The following DYRK1A variants were observed in gnomAD, a reference collection of about 807,000 sequenced individuals.
DYRK1A encodes the protein dual specificity tyrosine-phosphorylation-regulated kinase 1A.
Under a neutral mutation model 79.7 loss-of-function variants are expected in DYRK1A, and 9 were observed. The ratio of observed to expected loss-of-function variants is 0.11; its 90% CI spans 0.07 to 0.20. DYRK1A has a LOEUF of 0.20. Among genes scored for constraint, DYRK1A ranks in the 10% least tolerant of loss-of-function variants. The pLI is 1.00. For synonymous variants in DYRK1A, 349 were observed against 329.7 expected (o/e 1.06, Z -0.63); for missense variants, 622 against 956.0 (o/e 0.65, Z 4.61).
chr21:37,476,091 A>G (rs1309236200), intron 3 of DYRK1A, among the ~76,000 whole-genome samples: 1 of 152,180 alleles, frequency 6.6e-6, no homozygotes, highest in Non-Finnish European at 1.5e-5. Flanking sequence ...GTCCTCGTTA[A>G]GAGCCTGGGG....
chr21:37,418,488 CT>C (rs2050401890), intron 1 of DYRK1A, among the ~76,000 whole-genome samples: 2 of 152,134 alleles, frequency 1.3e-5, no homozygotes, highest in Admixed American at 1.3e-4. Context: ...ATATCTACTT[CT>C]ATCGAAACTG....
rs746702578 is a variant in DYRK1A, at chr21:37,512,051, C to G, written c.1785C>G (p.Asn595Lys). Residue 595 changes from asparagine (N) to lysine (K), a missense_variant, in exon 12 of 12, where the codon AAC (asparagine) becomes AAG (lysine). By Grantham distance (94) the Asn-to-Lys change is moderately conservative. Transcript: ENST00000647188. Reference sequence around the variant, plus strand: ...ATGCATTGCATCATCACCATGGTAACAGTTCCCATCACCATCACCACCACC... The same window carrying G: ...ATGCATTGCATCATCACCATGGTAAGAGTTCCCATCACCATCACCACCACC... ...QQNALHHHHG[N>K]SSHHHHHHHH... 5.0e-6 allele frequency: 8 copies of G among 1,614,092 alleles called. No homozygotes were observed. Among genetic ancestry groups the G allele is most frequent in the Non-Finnish European group, 5.9e-6 (7 of 1,180,010 alleles).
At chr21:37,412,476 A>G (rs1292318076) in intron 1 of DYRK1A, among the ~76,000 whole-genome samples, 2 of 152,216 alleles carry the variant, frequency 1.3e-5, no homozygotes, top group East Asian at 1.9e-4. Context: ...GTCCTTGTCC[A>G]GGCTTCCTGA....
At chr21:37,406,252 A>G (rs1428689932) in intron 1 of DYRK1A, among the ~76,000 whole-genome samples, 3 of 152,128 alleles carry the variant, frequency 2.0e-5, no homozygotes, top group African/African-American at 7.2e-5. Context: ...TTACTGGTTA[A>G]TTTTTAGTTA....
At chr21:37,382,961 A>G (rs939676095) in intron 1 of DYRK1A, among the ~76,000 whole-genome samples, 1 of 152,192 alleles carries the variant, frequency 6.6e-6, no homozygotes, top group African/African-American at 2.4e-5. Context: ...TTGGATTATA[A>G]ACAAGATAAT....
rs117133523 is a variant in DYRK1A at position 37,464,122 on chromosome 21, C to A, written c.11-8562C>A. 5.6e-4 allele frequency among the ~76,000 whole-genome samples: 85 copies of A among 152,202 alleles called. No homozygotes were observed. In the East Asian group the frequency reaches 0.015, roughly 27 times the overall value. ...GTATCAGAGATGATGGCTTCTGATA[C>A]TTGTTATTTTTACTTTTTTGTTTTT... On this transcript the variant is annotated intron_variant, in intron 2 of 11. Transcript: ENST00000647188.
At chr21:37,437,798 A>G (rs1353465542) in intron 2 of DYRK1A, among the ~76,000 whole-genome samples, 1 of 152,206 alleles carries the variant, frequency 6.6e-6, no homozygotes, top group Non-Finnish European at 1.5e-5. Context: ...TATTACAAAT[A>G]AAGATGCTAT....
chr21:37,490,128 A>T, intron 6 of DYRK1A, 47 bp from the exon 7 acceptor site: 1 of 1,535,274 alleles, frequency 6.5e-7, no homozygotes, highest in Non-Finnish European at 8.9e-7. Flanking sequence ...TGTTACTCTC[A>T]GTTTATTGGT....
intron 1 of DYRK1A, among the ~76,000 whole-genome samples, chr21:37,399,727 C>G (rs1249315733): frequency 1.3e-5 from 2 of 152,108 alleles, no homozygotes; most frequent in African/African-American, 4.8e-5. Flanking sequence ...TTCTGTCTTT[C>G]TAAAGCTTGA....
chr21:37,417,524 T>TTTTTCTTTTTCTTTTTC (rs1569304445), intron 1 of DYRK1A, among the ~76,000 whole-genome samples: 4 of 57,770 alleles, frequency 6.9e-5, no homozygotes, highest in Admixed American at 2.2e-4. Context: ...TTTCTTTTTC[T>TTTTTCTTTTTCTTTTTC]TTTTCTTTTT....
intron 2 of DYRK1A, among the ~76,000 whole-genome samples, chr21:37,458,268 C>CTGTGTGTGTG (rs3138683): frequency 0.088 from 11,437 of 130,350 alleles, 579 homozygotes; most frequent in Middle Eastern, 0.14. Context: ...GGGTAATTTA[C>CTGTGTGTGTG]TGTGTGTGTG....
At chr21:37,459,791 CTG>C (rs1378753529) in intron 2 of DYRK1A, among the ~76,000 whole-genome samples, 1 of 152,192 alleles carries the variant, frequency 6.6e-6, no homozygotes, top group Non-Finnish European at 1.5e-5. Context: ...GCATTCTTCT[CTG>C]TGTCTCTGCA....
At chr21:37,446,828 T>C (rs1171933339) in intron 2 of DYRK1A, among the ~76,000 whole-genome samples, 2 of 152,208 alleles carry the variant, frequency 1.3e-5, no homozygotes, top group Non-Finnish European at 2.9e-5. Flanking sequence ...CAAGAGATCT[T>C]GTTCTGCGCC....
chr21:37,393,065 T>C (rs769963689), intron 1 of DYRK1A, among the ~76,000 whole-genome samples: 6 of 152,256 alleles, frequency 3.9e-5, no homozygotes, highest in Non-Finnish European at 7.3e-5. Flanking sequence ...AGCACTGTTA[T>C]GTTGTGGATG....
rs1307913854 is a variant in DYRK1A, at chr21:37,455,809, A to G, written c.11-16875A>G. ...GTACCATTTTAAACATTAACTCTTTACTGTTCTTAGTACCTTGAGGTTTAA... is the reference window on the plus strand; with the variant it reads ...GTACCATTTTAAACATTAACTCTTTGCTGTTCTTAGTACCTTGAGGTTTAA... On this transcript the variant is annotated intron_variant, in intron 2 of 11. Transcript: ENST00000647188. Among the ~76,000 whole-genome samples the G allele has an allele frequency of 3.3e-5, 5 of 152,162 alleles. No homozygotes were observed. In the East Asian group the frequency reaches 9.6e-4, roughly 29 times the overall value.
Position 37,523,898 on chromosome 21 carries a change from T to TGG in DYRK1A, c.*11368_*11369dup, listed in dbSNP as rs748151512. Reference sequence around the variant, plus strand: ...GCAGAGACCGTATGATGAGAATATGTGGCATTCTCATCATTTTGCCCTGCC... The same window carrying TGG: ...GCAGAGACCGTATGATGAGAATATGTGGGGCATTCTCATCATTTTGCCCTGCC... On this transcript the variant is annotated 3_prime_UTR_variant, in exon 12 of 12. Coordinates refer to ENST00000647188, the MANE Select transcript of DYRK1A (RefSeq NM_001347721.2). 1.2e-4 allele frequency: 18 copies of TGG among 152,222 alleles called. No individual in the cohort carries two copies. Among genetic ancestry groups the TGG allele is most frequent in the Non-Finnish European group, 8.8e-5 (6 of 68,042 alleles). The allele number at this position is 152,222 out of a possible 1,614,324, so 9.4% of individuals were successfully genotyped here.
At chr21:37,450,861 C>T (rs189897778) in intron 2 of DYRK1A, among the ~76,000 whole-genome samples, 1 of 152,302 alleles carries the variant, frequency 6.6e-6, no homozygotes, top group African/African-American at 2.4e-5. Context: ...TAGCAGGCAG[C>T]ATGCTTGCTG....
chr21:37,472,990 A>C (rs2052279480), intron 3 of DYRK1A, 110 bp downstream of exon 3: 1 of 843,838 alleles, frequency 1.2e-6, no homozygotes. Context: ...TTTACATGCA[A>C]CGTGGGATTA....
At chr21:37,422,519 C>T (rs980886684) in intron 2 of DYRK1A, among the ~76,000 whole-genome samples, 1 of 152,122 alleles carries the variant, frequency 6.6e-6, no homozygotes, top group Non-Finnish European at 1.5e-5. Flanking sequence ...GTTCATGGTA[C>T]TGGCTTTGTT....
Sources: gnomAD v4.1 joint callset for allele counts (sites outside exome capture counted in the v4.1 genomes callset) on GRCh38, gnomAD v4.1.1 for gene constraint, MANE v1.5 for transcripts, NCBI Gene and HGNC (gene_info 2026-07-23, HGNC 2026-07-21) for gene names.